The following KIF19 variants were observed in gnomAD, a reference collection of about 807,000 sequenced individuals.
The protein encoded by KIF19 is kinesin-like protein KIF19.
Under a neutral mutation model 106.6 loss-of-function variants are expected in KIF19, and 98 were observed. That is an observed-to-expected ratio of 0.92 (90% confidence interval 0.78 to 1.09). KIF19 has a LOEUF of 1.09. KIF19 is among the 50% of genes least tolerant of loss of function. The probability of loss-of-function intolerance (pLI) is 0.00; values close to 1 mark genes in which losing one functional copy is unlikely to be tolerated. For missense variants in KIF19, 1,373 were observed against 1,414.3 expected (o/e 0.97, Z 0.47); for synonymous variants, 516 against 584.2 (o/e 0.88, Z 1.68).
Position 74,344,816 on chromosome 17 carries a change from C to G in KIF19, c.638C>G (p.Ala213Gly), listed in dbSNP as rs1214441361. ...CAGAGGACCCAGGAGCCCACGGCCG[C>G]CAACCAGACGTCCTCCCGCTCCCAC... ...NRQRTQEPTA[A>G]NQTSSRSHAV... Residue 213 changes from alanine to glycine, a missense_variant, in exon 7 of 20, where the codon GCC (alanine) becomes GGC (glycine). Ala to Gly is a moderately conservative substitution (Grantham distance 60). Coordinates refer to ENST00000389916, the MANE Select transcript of KIF19 (RefSeq NM_153209.4). 6.2e-7 allele frequency: 1 copy of G among 1,612,178 alleles called. No individual in the cohort carries two copies. The highest frequency in any genetic ancestry group is 1.7e-5 in the Admixed American group (1 of 60,012).
chr17:74,352,842 A>G lies in KIF19; in HGVS notation c.2002A>G (p.Thr668Ala). 1.2e-6 allele frequency: 2 copies of G among 1,613,766 alleles called. No homozygotes were observed. The highest frequency in any genetic ancestry group is 1.7e-6 in the Non-Finnish European group (2 of 1,179,836). Residue 668 changes from threonine to alanine, a missense_variant, in exon 15 of 20, where the codon ACC becomes GCC. Physicochemically the swap from Thr to Ala is moderately conservative, Grantham distance 58 (BLOSUM62 0). Coordinates refer to ENST00000389916, the MANE Select transcript of KIF19 (RefSeq NM_153209.4). The part of the protein sequence containing the change: ...ALQDSSLPKI[T>A]PAGTSLTPDS... ...CCAGGACAGCTCCTTGCCCAAAATTACCCCAGCAGGAACCTCACTGACCCC... is the reference window on the plus strand; with the variant it reads ...CCAGGACAGCTCCTTGCCCAAAATTGCCCCAGCAGGAACCTCACTGACCCC...
At position 74,354,829 on chromosome 17, in the gene KIF19, C is replaced by T. The variant is rs1267352379; in HGVS notation, c.2754C>T (p.Arg918=). The change falls in exon 19 of 20, where the codon CGC becomes CGT. Residue 918 remains arginine, a synonymous_variant. Transcript: ENST00000389916. ...TCCTGGGGCCCCATCAGGCGGAGCG[C>T]ATCTCGGACCACAGGATGCCAGTGT... is the stretch of plus-strand genomic sequence containing the variant. The part of the protein sequence containing the change: ...THLLGPHQAE[R]ISDHRMPVCR... 7.7e-6 allele frequency: 12 copies of T among 1,560,432 alleles called. No homozygotes were observed. In the South Asian group the frequency reaches 1.3e-4, roughly 17 times the overall value.
chr17:74,339,481 A>T (rs1309214906), intron 2 of KIF19, among the ~76,000 whole-genome samples: 1 of 149,932 alleles, frequency 6.7e-6, no homozygotes, highest in Non-Finnish European at 1.5e-5. Flanking sequence ...GAGGGGACCG[A>T]TGAGACACCC....
chr17:74,339,542 G>A lies in KIF19; in HGVS notation c.121-2334G>A, dbSNP rs532928546. Among the ~76,000 whole-genome samples the A allele has an allele frequency of 2.6e-4, 40 of 151,778 alleles. 2 individuals carry two copies. In the South Asian group the frequency reaches 7.5e-3, roughly 28 times the overall value. ...CCTCCCACTGAAAGAGGGGACCAATGAGACACCCATTCCCTACCTCCCTCG... is the reference window on the plus strand; with the variant it reads ...CCTCCCACTGAAAGAGGGGACCAATAAGACACCCATTCCCTACCTCCCTCG... On this transcript the variant is annotated intron_variant, in intron 2 of 19. Coordinates refer to ENST00000389916, the MANE Select transcript of KIF19 (RefSeq NM_153209.4).
At chr17:74,339,961 G>T (rs1732502000) in intron 2 of KIF19, among the ~76,000 whole-genome samples, 1 of 152,138 alleles carries the variant, frequency 6.6e-6, no homozygotes, top group South Asian at 2.1e-4. Flanking sequence ...CGGGGAACAG[G>T]TGGCCACTCT....
intron 2 of KIF19, among the ~76,000 whole-genome samples, chr17:74,341,673 G>A (rs1454203033): frequency 6.6e-6 from 1 of 152,194 alleles, no homozygotes; most frequent in Non-Finnish European, 1.5e-5. Context: ...CCTCCAGTGG[G>A]ACCTGGGCCC....
chr17:74,354,445 C>A lies in KIF19; in HGVS notation c.2592C>A (p.Gly864=). The A allele has an allele frequency of 6.2e-7, 1 of 1,610,338 alleles. No homozygotes were observed. The highest frequency in any genetic ancestry group is 1.1e-5 in the South Asian group (1 of 90,628). ...PSRAVGHHGD[G]PRPWLRGQKK... ...GGGCAGTCGGACATCATGGGGACGG[C>A]CCCAGGCCCTGGCTGCGTGGCCAGA... is the stretch of plus-strand genomic sequence containing the variant. Residue 864 remains glycine, a synonymous_variant, in exon 18 of 20, where the codon GGC becomes GGA. Transcript: ENST00000389916.
chr17:74,328,476 AC>A lies in KIF19; in HGVS notation c.94del (p.Leu32SerfsTer126), dbSNP rs1330431666. 6.2e-7 allele frequency: 1 copy of A among 1,610,122 alleles called. No homozygotes were observed. The highest frequency in any genetic ancestry group is 1.3e-5 in the African/African-American group (1 of 74,854). ...ISVAELEEGATLIAHKVDEQM... is the reference protein window; with the variant it reads ...ISVAELEEGAXLIAHKVDEQM... ...CGTGGCAGAGCTGGAGGAAGGAGCT[AC>A]CCTCATCGCCCATAAAGTGGATGAG... On this transcript the variant is annotated frameshift_variant, in exon 2 of 20. Coordinates refer to ENST00000389916, the MANE Select transcript of KIF19 (RefSeq NM_153209.4). LOFTEE classifies it high-confidence loss of function.
At chr17:74,336,800 T>C (rs2054229011) in intron 2 of KIF19, among the ~76,000 whole-genome samples, 1 of 152,294 alleles carries the variant, frequency 6.6e-6, no homozygotes, top group African/African-American at 2.4e-5. Context: ...CAAGTGATAA[T>C]AAGAGTGCCC....
intron 1 of KIF19, 39 bp downstream of exon 1, chr17:74,326,427 T>C (rs1039412568): frequency 6.9e-6 from 11 of 1,600,820 alleles, no homozygotes; most frequent in Non-Finnish European, 9.4e-6. Flanking sequence ...CCCCGCTCCG[T>C]GGTCTACTTC....
Position 74,349,213 on chromosome 17 carries a change from C to T in KIF19, c.1077C>T (p.Tyr359=), listed in dbSNP as rs775018238. The change falls in exon 10 of 20, where the codon TAC becomes TAT. Residue 359 remains tyrosine (Y), a synonymous_variant. Transcript: ENST00000389916. The part of the protein sequence containing the change: ...RVKQNLLNVS[Y]HIAQYTSIIA... ...AGCAGAACCTCCTGAACGTCTCCTA[C>T]CACATCGCCCAGTACACCAGCATCA... The T allele has an allele frequency of 2.5e-6, 4 of 1,613,744 alleles. No individual in the cohort carries two copies. The highest frequency in any genetic ancestry group is 2.5e-6 in the Non-Finnish European group (3 of 1,179,884).
Position 74,354,147 on chromosome 17 carries a change from C to A in KIF19, c.2309-15C>A, listed in dbSNP as rs749875125. 6.3e-7 allele frequency: 1 copy of A among 1,592,326 alleles called. No individual in the cohort carries two copies. On this transcript the variant is annotated splice_polypyrimidine_tract_variant and intron_variant, in intron 17 of 19. Transcript: ENST00000389916. ...CCTTGATCTCGGGTTGTATGTTCCCCGTGTCCCGCTGCAGAGAGGAAGGAG... is the reference window on the plus strand; with the variant it reads ...CCTTGATCTCGGGTTGTATGTTCCCAGTGTCCCGCTGCAGAGAGGAAGGAG...
In KIF19 at chr17:74,355,660, C is replaced by T. The variant is rs576280009; in HGVS notation, c.*348C>T. 33 of 206,074 alleles carry T rather than the reference C, an allele frequency of 1.6e-4. No homozygotes were observed. The highest frequency in any genetic ancestry group is 6.8e-4 in the African/African-American group (30 of 44,042). 12.8% of individuals were successfully genotyped at this position (206,074 alleles called of 1,614,324 possible). ...ACAGTGAGACGGGGCTCCTGGCCCA[C>T]GTGTGGGGCACGGGCATCCTGGATG... is the stretch of plus-strand genomic sequence containing the variant. On this transcript the variant is annotated 3_prime_UTR_variant, in exon 20 of 20. Coordinates refer to ENST00000389916, the MANE Select transcript of KIF19 (RefSeq NM_153209.4).
At position 74,326,376 on chromosome 17, in the gene KIF19, C is replaced by T; in HGVS notation, c.27C>T (p.Asp9=). MKDSGDSK[D]QQLMVALRVR... Reference sequence around the variant, plus strand: ...TGAAGGACAGCGGGGACTCCAAGGACCAGCAACTCATGGTGAGACCCTTTT... The same window carrying T: ...TGAAGGACAGCGGGGACTCCAAGGATCAGCAACTCATGGTGAGACCCTTTT... Residue 9 remains aspartate (D), a synonymous_variant, in exon 1 of 20, where the codon GAC becomes GAT. Transcript: ENST00000389916. 12 of 1,613,016 alleles carry T rather than the reference C, an allele frequency of 7.4e-6. No homozygotes were observed. Among genetic ancestry groups the T allele is most frequent in the Non-Finnish European group, 1.0e-5 (12 of 1,179,568 alleles).
At position 74,354,094 on chromosome 17, in the gene KIF19, C is replaced by G. The variant is rs1259795205; in HGVS notation, c.2309-68C>G. The stretch of plus-strand genomic sequence containing the variant: ...AGGTCTGGCTCCTACCCACGTCTGC[C>G]ATGTCAGAGGAGGGTGTTGAGAGGT... On this transcript the variant is annotated intron_variant, in intron 17 of 19. Coordinates refer to ENST00000389916, the MANE Select transcript of KIF19 (RefSeq NM_153209.4). 2.0e-6 allele frequency: 3 copies of G among 1,506,920 alleles called. No homozygotes were observed. The African/African-American group carries it at 4.2e-5, about 21-fold the overall frequency. The allele number at this position is 1,506,920 out of a possible 1,614,324, so 93.3% of individuals were successfully genotyped here. A position where few individuals can be genotyped will look rare whatever the true frequency, so the allele number is the denominator to read the frequency against.
intron 2 of KIF19, among the ~76,000 whole-genome samples, chr17:74,337,735 C>T (rs4789057): frequency 0.44 from 66,447 of 151,998 alleles, 14,729 homozygotes; most frequent in Non-Finnish European, 0.48. Flanking sequence ...AACCTGGCCT[C>T]CTTTTGCACT....
At position 74,346,660 on chromosome 17, in the gene KIF19, C is replaced by A; in HGVS notation, c.924+136C>A. 1.3e-6 allele frequency: 1 copy of A among 772,154 alleles called. No homozygotes were observed. Among genetic ancestry groups the A allele is most frequent in the Non-Finnish European group, 2.1e-6 (1 of 484,364 alleles). 47.8% of individuals were successfully genotyped at this position (772,154 alleles called of 1,614,324 possible). On this transcript the variant is annotated intron_variant, in intron 8 of 19. Coordinates refer to ENST00000389916, the MANE Select transcript of KIF19 (RefSeq NM_153209.4). The surrounding 1 kb of genome is among the most constrained non-coding windows in gnomAD (Gnocchi z 4.6). ...AAATTTATTTTAGCGTAAATATGTC[C>A]CATGAAATATTTGGGATATTCTTAT... is the stretch of plus-strand genomic sequence containing the variant.
chr17:74,347,878 GGCC>G lies in KIF19; in HGVS notation c.1027_1029del (p.Ala343del). On this transcript the variant is annotated inframe_deletion, in exon 9 of 20. Coordinates refer to ENST00000389916, the MANE Select transcript of KIF19 (RefSeq NM_153209.4). Reference sequence around the variant, plus strand: ...GGAACACCCTGACCTACGCCGGCCGGGCCAAGAACATTAAGACTAGGGTGAGGG... The same window carrying G: ...GGAACACCCTGACCTACGCCGGCCGGAAGAACATTAAGACTAGGGTGAGGG... The G allele has an allele frequency of 3.2e-6, 5 of 1,583,964 alleles. No homozygotes were observed. The highest frequency in any genetic ancestry group is 4.3e-6 in the Non-Finnish European group (5 of 1,165,668).
chr17:74,344,926 G>T lies in KIF19; in HGVS notation c.748G>T (p.Asp250Tyr). Residue 250 changes from aspartate (D) to tyrosine (Y), a missense_variant, in exon 7 of 20, where the codon GAC (aspartate) becomes TAC (tyrosine). By Grantham distance (160) the Asp-to-Tyr change is radical. This residue lies in a region of KIF19 where 348 missense variants were observed against 389.5 expected (regional missense o/e 0.89). Coordinates refer to ENST00000389916, the MANE Select transcript of KIF19 (RefSeq NM_153209.4). ...GCGGCAGGGCCGCCTGTTCATGATC[G>T]ACCTGGCTGGCTCAGAGCGCGCCTC... Reference protein sequence around the residue: ...EVRQGRLFMIDLAGSERASQT... With the variant: ...EVRQGRLFMIYLAGSERASQT... 1 of 1,609,722 alleles carries T rather than the reference G, an allele frequency of 6.2e-7. No homozygotes were observed. The highest frequency in any genetic ancestry group is 8.5e-7 in the Non-Finnish European group (1 of 1,179,318).
Sources: allele counts gnomAD v4.1 joint callset (sites outside exome capture counted in the v4.1 genomes callset), GRCh38; gene constraint gnomAD v4.1.1; regional missense constraint gnomAD v4.1.1; non-coding constraint Gnocchi (gnomAD v3.1); transcripts MANE v1.5; gene names NCBI Gene and HGNC (gene_info 2026-07-23, HGNC 2026-07-21).